The following FBXL17 variants were observed in gnomAD, a reference collection of about 807,000 sequenced individuals.
FBXL17 encodes the protein F-box and leucine rich repeat protein 17.
FBXL17 carries 22 observed loss-of-function variants against 66.2 expected under a neutral mutation model. The observed-to-expected ratio is 0.33, with a 90% confidence interval of 0.24 to 0.47. The LOEUF (loss-of-function observed/expected upper bound fraction) is 0.47, where lower values mean the gene tolerates loss of function less well. FBXL17 is among the 20% of genes least tolerant of loss of function. The pLI is 1.00. For missense variants in FBXL17, 878 were observed against 948.2 expected (o/e 0.93, Z 0.97); for synonymous variants, 474 against 400.5 (o/e 1.18, Z -2.19).
intron 4 of FBXL17, among the ~76,000 whole-genome samples, chr5:108,278,822 G>A (rs529735284): frequency 6.6e-6 from 1 of 152,294 alleles, no homozygotes; most frequent in Non-Finnish European, 1.5e-5. Flanking sequence ...CATCACAGCT[G>A]GTGCATGCAC....
At chr5:108,329,671 ACAC>A (rs1368518753) in intron 4 of FBXL17, among the ~76,000 whole-genome samples, 1 of 152,194 alleles carries the variant, frequency 6.6e-6, no homozygotes, top group Non-Finnish European at 1.5e-5. Flanking sequence ...TGTAATGAGT[ACAC>A]CACATTATAT....
chr5:108,140,558 C>T (rs1047314671), intron 6 of FBXL17, among the ~76,000 whole-genome samples: 1 of 152,132 alleles, frequency 6.6e-6, no homozygotes, highest in Non-Finnish European at 1.5e-5. Flanking sequence ...GTTTCTGCTT[C>T]CTCTGCCTAC....
At chr5:108,301,116 C>T (rs1758569778) in intron 4 of FBXL17, among the ~76,000 whole-genome samples, 1 of 151,594 alleles carries the variant, frequency 6.6e-6, no homozygotes, top group Non-Finnish European at 1.5e-5. Context: ...ATTTTTTATG[C>T]CTCTGAGCAT....
chr5:108,007,611 T>C (rs1019290898), intron 7 of FBXL17, among the ~76,000 whole-genome samples: 8 of 150,016 alleles, frequency 5.3e-5, no homozygotes, highest in African/African-American at 2.0e-4. Context: ...CCAGAAAAAC[T>C]TGGGAAATTA....
chr5:108,287,692 G>T (rs1299687550), intron 4 of FBXL17, among the ~76,000 whole-genome samples: 1 of 151,836 alleles, frequency 6.6e-6, no homozygotes, highest in Non-Finnish European at 1.5e-5. Context: ...TCAGCCATTG[G>T]GAAAAGCAGT....
chr5:107,973,184 A>AG (rs144346579), intron 7 of FBXL17, among the ~76,000 whole-genome samples: 20,571 of 152,138 alleles, frequency 0.14, 1,509 homozygotes, highest in East Asian at 0.2. Context: ...TCCTGGCCAC[A>AG]GAAGAGCTAA....
chr5:108,168,673 T>C (rs1483535694), intron 6 of FBXL17, among the ~76,000 whole-genome samples: 1 of 152,166 alleles, frequency 6.6e-6, no homozygotes, highest in African/African-American at 2.4e-5. Context: ...TAAGCATTAA[T>C]AAAACACAGA....
chr5:108,101,483 A>T (rs1293248295), intron 6 of FBXL17, among the ~76,000 whole-genome samples: 1 of 152,258 alleles, frequency 6.6e-6, no homozygotes, highest in Non-Finnish European at 1.5e-5. Context: ...CAAGGAAAAC[A>T]TGAACAAGTG....
chr5:108,195,492 G>A (rs1580594449), intron 5 of FBXL17, among the ~76,000 whole-genome samples: 1 of 152,266 alleles, frequency 6.6e-6, no homozygotes, highest in East Asian at 1.9e-4. Flanking sequence ...GGTCAAAGAG[G>A]AGATCTAAGA....
At chr5:107,965,549 C>T (rs925983377) in intron 7 of FBXL17, among the ~76,000 whole-genome samples, 3 of 152,164 alleles carry the variant, frequency 2.0e-5, no homozygotes, top group African/African-American at 7.2e-5. Flanking sequence ...AAATCCCAGA[C>T]CTTCTCCAAG....
At chr5:108,185,637 T>C (rs1200660846) in intron 6 of FBXL17, among the ~76,000 whole-genome samples, 1 of 152,114 alleles carries the variant, frequency 6.6e-6, no homozygotes, top group Non-Finnish European at 1.5e-5. Context: ...GGCAGAAGTA[T>C]TGCTTGAGCC....
chr5:108,309,195 C>T (rs893687645), intron 4 of FBXL17, among the ~76,000 whole-genome samples: 1 of 151,930 alleles, frequency 6.6e-6, no homozygotes, highest in African/African-American at 2.4e-5. Flanking sequence ...TTCCTTCACA[C>T]AGAATAATGA....
At chr5:108,198,249 ATTTTAAGTCG>A (rs1217482188) in intron 5 of FBXL17, among the ~76,000 whole-genome samples, 1 of 152,068 alleles carries the variant, frequency 6.6e-6, no homozygotes, top group East Asian at 1.9e-4. Flanking sequence ...TCTCCTTCTA[ATTTTAAGTCG>A]TTTTTATGAT....
At chr5:107,900,640 T>C (rs891189848) in intron 7 of FBXL17, among the ~76,000 whole-genome samples, 33 of 152,136 alleles carry the variant, frequency 2.2e-4, no homozygotes, top group Non-Finnish European at 5.9e-5. Flanking sequence ...TTAAAAATTA[T>C]TTGTGTGCAT....
intron 6 of FBXL17, among the ~76,000 whole-genome samples, chr5:108,117,968 G>C (rs192391442): frequency 6.6e-6 from 1 of 152,060 alleles, no homozygotes; most frequent in Non-Finnish European, 1.5e-5. Context: ...ACTAGAAACC[G>C]TAAGGAATGA....
intron 8 of FBXL17, among the ~76,000 whole-genome samples, chr5:107,870,574 G>A (rs984249604): frequency 2.6e-5 from 4 of 151,856 alleles, no homozygotes; most frequent in Non-Finnish European, 5.9e-5. Flanking sequence ...GGGTACTCAC[G>A]ATTAGGTATT....
In FBXL17 at chr5:108,186,052, T is replaced by A. The variant is rs1034319753; in HGVS notation, c.1745+65A>T. The A allele has an allele frequency of 7.7e-6, 10 of 1,299,446 alleles. No homozygotes were observed. The African/African-American group carries it at 1.5e-4, about 19-fold the overall frequency. 80.5% of individuals were successfully genotyped at this position (1,299,446 alleles called of 1,614,324 possible). On this transcript the variant is annotated intron_variant, in intron 6 of 8. Coordinates refer to ENST00000542267, the MANE Select transcript of FBXL17 (RefSeq NM_001163315.3). ...TTTTAGTTATAGACATGCCTTGTTA[T>A]AATAATTAATATTTCCTAAATGTTT...
At chr5:107,904,490 T>G (rs2112537148) in intron 7 of FBXL17, among the ~76,000 whole-genome samples, 1 of 152,244 alleles carries the variant, frequency 6.6e-6, no homozygotes, top group African/African-American at 2.4e-5. Flanking sequence ...AAAGGAAACT[T>G]TCTGTTACAT....
intron 6 of FBXL17, among the ~76,000 whole-genome samples, chr5:108,151,409 A>C (rs372039674): frequency 6.6e-6 from 1 of 152,278 alleles, no homozygotes; most frequent in African/African-American, 2.4e-5. Context: ...TGTCCCAAAA[A>C]AGAGTTTTAC....
Sources: gnomAD v4.1 joint callset for allele counts (sites outside exome capture counted in the v4.1 genomes callset) on GRCh38, gnomAD v4.1.1 for gene constraint, MANE v1.5 for transcripts, NCBI Gene and HGNC (gene_info 2026-07-23, HGNC 2026-07-21) for gene names.